Variants in LOC122539214 observed in about 807,000 individuals in gnomAD.
the LOC122539214 span, among the ~76,000 whole-genome samples, chr19:52,681,505 C>A: frequency 4.6e-5 from 7 of 152,136 alleles, no homozygotes; most frequent in African/African-American, 1.7e-4. Context: ...GAATGCTTCC[C>A]ATGTGCTATA....
At chr19:52,676,438 G>A in the LOC122539214 span, among the ~76,000 whole-genome samples, 178 of 151,822 alleles carry the variant, frequency 1.2e-3, no homozygotes, top group African/African-American at 4.0e-3. Context: ...CTGCCTGGCC[G>A]CCCATGTCTG....
the LOC122539214 span, among the ~76,000 whole-genome samples, chr19:52,662,014 G>A: frequency 6.6e-5 from 10 of 152,014 alleles, no homozygotes; most frequent in Non-Finnish European, 1.3e-4. Flanking sequence ...AGCAGAGGGA[G>A]TGAGGAGGAC....
chr19:52,652,634 T>C, the LOC122539214 span: 1 of 489,274 alleles, frequency 2.0e-6, no homozygotes, highest in Admixed American at 2.5e-5. Context: ...CCACATTTAC[T>C]ACACTTGTAA....
chr19:52,656,234 A>G, the LOC122539214 span, among the ~76,000 whole-genome samples: 3 of 152,052 alleles, frequency 2.0e-5, no homozygotes, highest in South Asian at 6.2e-4. Context: ...CTCTATATAT[A>G]TATATAGCCA....
At chr19:52,655,295 A>G in the LOC122539214 span, 1 of 332,360 alleles carries the variant, frequency 3.0e-6, no homozygotes, top group Non-Finnish European at 5.4e-6. Flanking sequence ...GCTCAGGGCT[A>G]CCAGGGGCAT....
the LOC122539214 span, among the ~76,000 whole-genome samples, chr19:52,663,949 C>T: frequency 0.69 from 105,328 of 152,098 alleles, 36,688 homozygotes; most frequent in Admixed American, 0.78. Context: ...TGCAGTTATG[C>T]GATCTCGGCT....
chr19:52,662,899 A>G, the LOC122539214 span, among the ~76,000 whole-genome samples: 1 of 152,154 alleles, frequency 6.6e-6, no homozygotes, highest in Non-Finnish European at 1.5e-5. Flanking sequence ...GTGGTGACTC[A>G]TGCCTGTAAT....
At chr19:52,684,184 C>A in the LOC122539214 span, among the ~76,000 whole-genome samples, 1 of 152,028 alleles carries the variant, frequency 6.6e-6, no homozygotes, top group Admixed American at 6.6e-5. Flanking sequence ...GCCTGGCCAA[C>A]ATCGTGAAAC....
At chr19:52,676,154 T>C in the LOC122539214 span, among the ~76,000 whole-genome samples, 1 of 152,304 alleles carries the variant, frequency 6.6e-6, no homozygotes, top group Middle Eastern at 3.4e-3. Context: ...CTGGTTTTCG[T>C]ATTTTTTTGG....
the LOC122539214 span, among the ~76,000 whole-genome samples, chr19:52,683,425 C>A: frequency 6.6e-6 from 1 of 151,698 alleles, no homozygotes; most frequent in Non-Finnish European, 1.5e-5. Flanking sequence ...AGTCACGGAG[C>A]CTCCAGCTCC....
At chr19:52,653,007 ATGT>A in the LOC122539214 span, 5 of 1,400,564 alleles carry the variant, frequency 3.6e-6, no homozygotes, top group Non-Finnish European at 3.0e-6. Context: ...GAACTCTCTG[ATGT>A]TGTGCAAGGT....
chr19:52,683,024 C>A, the LOC122539214 span, among the ~76,000 whole-genome samples: 1 of 152,084 alleles, frequency 6.6e-6, no homozygotes, highest in Non-Finnish European at 1.5e-5. Flanking sequence ...GCATGTGCCA[C>A]CACACCCAGC....
the LOC122539214 span, among the ~76,000 whole-genome samples, chr19:52,674,958 T>C: frequency 6.6e-6 from 1 of 152,162 alleles, no homozygotes. Flanking sequence ...TGACATCAAG[T>C]GATCTACCCA....
At chr19:52,655,592 C>T in the LOC122539214 span, 6 of 1,504,730 alleles carry the variant, frequency 4.0e-6, no homozygotes, top group African/African-American at 2.8e-5. Flanking sequence ...AGTTCTCCAA[C>T]ATCACGGCCC....
At chr19:52,653,173 C>T in the LOC122539214 span, 42 of 1,457,188 alleles carry the variant, frequency 2.9e-5, 1 homozygote, top group African/African-American at 2.8e-4. Flanking sequence ...ATGAAGTCTA[C>T]GATGGCCCAC....
At chr19:52,677,752 G>A in the LOC122539214 span, among the ~76,000 whole-genome samples, 3 of 152,050 alleles carry the variant, frequency 2.0e-5, no homozygotes, top group Non-Finnish European at 2.9e-5. Flanking sequence ...AAAAGAGCCA[G>A]GCCAGAGGGG....
chr19:52,666,163 CA>C, the LOC122539214 span, among the ~76,000 whole-genome samples: 61 of 102,332 alleles, frequency 6.0e-4, no homozygotes, highest in Admixed American at 7.9e-4. Flanking sequence ...GACTCCATCT[CA>C]AAAAAAAAAA....
chr19:52,669,611 G>A, the LOC122539214 span, among the ~76,000 whole-genome samples: 2 of 152,184 alleles, frequency 1.3e-5, no homozygotes, highest in African/African-American at 4.8e-5. Flanking sequence ...GTAAAACAAA[G>A]ACATTGCAAG....
the LOC122539214 span, among the ~76,000 whole-genome samples, chr19:52,656,032 G>A: frequency 6.6e-6 from 1 of 151,974 alleles, no homozygotes; most frequent in African/African-American, 2.4e-5. Flanking sequence ...GCAACATGGT[G>A]AAACCAAGTC....
Sources: allele counts gnomAD v4.1 joint callset (sites outside exome capture counted in the v4.1 genomes callset), GRCh38; gene constraint gnomAD v4.1.1; transcripts MANE v1.5.